Variants in DMD observed in about 807,000 individuals in gnomAD.
DMD encodes dystrophin, also known as mutant dystrophin.
A neutral mutation model predicts 330.1 loss-of-function variants in DMD; 63 were observed. The ratio of observed to expected loss-of-function variants is 0.19; its 90% CI spans 0.16 to 0.24. DMD has a LOEUF of 0.24. DMD is among the 10% of genes least tolerant of loss of function. The pLI is 1.00. For missense variants in DMD, 3,344 were observed against 2,684.1 expected (o/e 1.25, Z -5.43); for synonymous variants, 1,223 against 959.8 (o/e 1.27, Z -5.07).
intron 6 of DMD, among the ~76,000 whole-genome samples, chrX:32,812,777 G>A (rs1027943710): frequency 5.4e-5 from 6 of 111,876 alleles, no homozygotes; most frequent in African/African-American, 1.9e-4. Context: ...CAAGCTTATG[G>A]AAACTAGCTT....
chrX:31,307,050 T>C (rs1372862595), intron 62 of DMD, among the ~76,000 whole-genome samples: 1 of 111,660 alleles, frequency 9.0e-6, no homozygotes, highest in Non-Finnish European at 1.9e-5. Flanking sequence ...TTATTCAGTG[T>C]TCCTCTGCTC....
At chrX:31,975,583 C>T (rs1165607312) in intron 44 of DMD, among the ~76,000 whole-genome samples, 2 of 112,001 alleles carry the variant, frequency 1.8e-5, no homozygotes, top group Non-Finnish European at 3.8e-5. Flanking sequence ...GAACATGTGA[C>T]TTCAGGCATA....
chrX:32,774,956 G>T (rs959670328), intron 7 of DMD, among the ~76,000 whole-genome samples: 3 of 112,283 alleles, frequency 2.7e-5, no homozygotes, highest in Non-Finnish European at 5.6e-5. Flanking sequence ...CCAAAAGCAA[G>T]CTAGTTACTT....
intron 48 of DMD, among the ~76,000 whole-genome samples, chrX:31,866,160 C>T (rs1284663600): frequency 5.4e-5 from 6 of 111,518 alleles, no homozygotes; most frequent in Non-Finnish European, 1.1e-4. Context: ...CCCTTTAGCT[C>T]CCTTAAATCC....
In DMD at chrX:32,888,149, T is replaced by TA. The variant is rs953551171; in HGVS notation, c.94-38330_94-38329insT. ...GATTAAGGAACTGAATTTTTATTTT[T>TA]TATTTTTTTTAAGTTCTGGGATACA... On this transcript the variant is annotated intron_variant, in intron 2 of 78. Transcript: ENST00000357033. 4.4e-4 allele frequency among the ~76,000 whole-genome samples: 49 copies of TA among 110,819 alleles called. 1 individual carries two copies. The highest frequency in any genetic ancestry group is 7.2e-4 in the Non-Finnish European group (38 of 52,939).
At chrX:32,425,191 T>G (rs902128925) in intron 29 of DMD, among the ~76,000 whole-genome samples, 1 of 111,348 alleles carries the variant, frequency 9.0e-6, no homozygotes, top group African/African-American at 3.3e-5. Context: ...CACTCTCATT[T>G]CCTCAATGAC....
chrX:32,410,278 C>A (rs1453668690), intron 30 of DMD, among the ~76,000 whole-genome samples: 1 of 111,367 alleles, frequency 9.0e-6, no homozygotes, highest in Non-Finnish European at 1.9e-5. Flanking sequence ...TCAGGATTCT[C>A]CCCAAAATTC....
chrX:32,437,119 T>C (rs1346884868), intron 29 of DMD, among the ~76,000 whole-genome samples: 1 of 112,265 alleles, frequency 8.9e-6, no homozygotes, highest in African/African-American at 3.2e-5. Flanking sequence ...TGATCTTCAA[T>C]TTACTTGCCA....
At chrX:32,037,113 G>C (rs1043908074) in intron 44 of DMD, among the ~76,000 whole-genome samples, 1 of 112,012 alleles carries the variant, frequency 8.9e-6, no homozygotes, top group African/African-American at 3.3e-5. Context: ...GGAAAGTCAA[G>C]AGGGAAATAA....
intron 42 of DMD, among the ~76,000 whole-genome samples, chrX:32,300,807 G>A (rs1782474529): frequency 9.0e-6 from 1 of 110,898 alleles, no homozygotes; most frequent in East Asian, 2.8e-4. Flanking sequence ...AGGTTTTATG[G>A]AGGAAAAATT....
At chrX:31,899,707 G>A (rs2094396700) in intron 47 of DMD, among the ~76,000 whole-genome samples, 1 of 110,960 alleles carries the variant, frequency 9.0e-6, no homozygotes, top group South Asian at 3.8e-4. Context: ...CTTAACTAGA[G>A]CACACAGCAG....
intron 2 of DMD, among the ~76,000 whole-genome samples, chrX:32,920,384 A>G (rs2088274647): frequency 9.0e-6 from 1 of 111,693 alleles, no homozygotes; most frequent in Non-Finnish European, 1.9e-5. Context: ...CTAAGCTTGC[A>G]GTTTCTGTGT....
At chrX:33,270,570 G>T (rs1258271341) in intron 1 of DMD, among the ~76,000 whole-genome samples, 1 of 111,697 alleles carries the variant, frequency 9.0e-6, no homozygotes, top group Non-Finnish European at 1.9e-5. Flanking sequence ...TCCAGACAGT[G>T]GTGAGTTTTA....
intron 2 of DMD, among the ~76,000 whole-genome samples, chrX:32,942,585 G>T (rs772739672): frequency 9.0e-6 from 1 of 111,383 alleles, no homozygotes; most frequent in East Asian, 2.8e-4. Flanking sequence ...ATTTTAACTT[G>T]AATCTTGAAA....
chrX:32,802,312 C>G (rs751665699), intron 7 of DMD, among the ~76,000 whole-genome samples: 1 of 111,176 alleles, frequency 9.0e-6, no homozygotes, highest in African/African-American at 3.3e-5. Context: ...TGTTTATTAT[C>G]GGTGTATAGG....
At chrX:31,621,160 A>C (rs1339359151) in intron 55 of DMD, among the ~76,000 whole-genome samples, 2 of 111,494 alleles carry the variant, frequency 1.8e-5, no homozygotes, top group African/African-American at 3.3e-5. Flanking sequence ...TGAAGACACT[A>C]CCTTCAGTCA....
At chrX:31,490,378 C>T (rs1207017122) in intron 57 of DMD, among the ~76,000 whole-genome samples, 7 of 110,720 alleles carry the variant, frequency 6.3e-5, no homozygotes, top group South Asian at 3.8e-4. Flanking sequence ...CTGGCTAACA[C>T]GGTGAAACCC....
At chrX:32,259,536 A>G (rs2097313288) in intron 43 of DMD, among the ~76,000 whole-genome samples, 1 of 106,174 alleles carries the variant, frequency 9.4e-6, no homozygotes, top group South Asian at 4.0e-4. Context: ...ACTAAATGTA[A>G]TGGGATTTGA....
intron 1 of DMD, among the ~76,000 whole-genome samples, chrX:33,146,193 C>T (rs1259665725): frequency 1.8e-5 from 2 of 110,578 alleles, no homozygotes; most frequent in East Asian, 5.7e-4. Flanking sequence ...TGCGCCTGGC[C>T]AACTGTTACC....
Sources: allele counts gnomAD v4.1 joint callset (sites outside exome capture counted in the v4.1 genomes callset), GRCh38; gene constraint gnomAD v4.1.1; transcripts MANE v1.5; gene names NCBI Gene and HGNC (gene_info 2026-07-23, HGNC 2026-07-21).